Variants in CDCP1 observed in about 807,000 individuals in gnomAD.
CDCP1 encodes CUB domain containing protein 1.
A neutral mutation model predicts 60.2 loss-of-function variants in CDCP1; 29 were observed. That is an observed-to-expected ratio of 0.48 (90% CI 0.36 to 0.66). The LOEUF is 0.66. CDCP1 is among the 30% of genes least tolerant of loss of function. The pLI, the probability that CDCP1 is intolerant of heterozygous loss-of-function variation, is 0.00. For synonymous variants in CDCP1, 387 were observed against 431.1 expected (o/e 0.90, Z 1.27); for missense variants, 876 against 1,074.3 (o/e 0.82, Z 2.58).
intron 1 of CDCP1, among the ~76,000 whole-genome samples, chr3:45,129,010 C>T (rs527727654): frequency 6.6e-6 from 1 of 152,358 alleles, no homozygotes; most frequent in South Asian, 2.1e-4. Context: ...AGACACTGTG[C>T]CTGGCCAAGT....
intron 1 of CDCP1, among the ~76,000 whole-genome samples, chr3:45,126,494 A>G (rs1699002909): frequency 6.6e-6 from 1 of 152,116 alleles, no homozygotes; most frequent in Non-Finnish European, 1.5e-5. Flanking sequence ...TAGAGAGACA[A>G]CTGGTTTAGA....
intron 1 of CDCP1, among the ~76,000 whole-genome samples, chr3:45,128,843 G>A (rs544431532): frequency 2.0e-5 from 3 of 152,086 alleles, no homozygotes; most frequent in Admixed American, 6.6e-5. Context: ...TCAGCCTCCC[G>A]AGTAGCTGGG....
intron 1 of CDCP1, among the ~76,000 whole-genome samples, chr3:45,140,356 G>C (rs1699267171): frequency 6.6e-6 from 1 of 152,216 alleles, no homozygotes; most frequent in Non-Finnish European, 1.5e-5. Flanking sequence ...GGAACCCTTT[G>C]ATCTCCTGTC....
upstream of CDCP1, chr3:45,146,435 T>C (rs947627939): frequency 1.7e-6 from 1 of 583,840 alleles, no homozygotes; most frequent in African/African-American, 2.0e-5. Flanking sequence ...CGCAGCAGGA[T>C]CGCGAGCTGA....
At chr3:45,132,041 C>A (rs1250722590) in intron 1 of CDCP1, among the ~76,000 whole-genome samples, 1 of 151,766 alleles carries the variant, frequency 6.6e-6, no homozygotes, top group Non-Finnish European at 1.5e-5. Context: ...CGAGACCAGC[C>A]TGGCCAACAC....
At chr3:45,095,078 C>T (rs1483568804) in intron 5 of CDCP1, among the ~76,000 whole-genome samples, 3 of 152,070 alleles carry the variant, frequency 2.0e-5, no homozygotes, top group Admixed American at 6.5e-5. Context: ...AGATTATAGG[C>T]GCCTGCCACC....
intron 1 of CDCP1, among the ~76,000 whole-genome samples, chr3:45,145,584 G>T (rs1699367602): frequency 6.6e-6 from 1 of 152,172 alleles, no homozygotes; most frequent in South Asian, 2.1e-4. Context: ...ATGCCTGGCG[G>T]CTTTCTCTGG....
chr3:45,093,054 C>T (rs1341916631), intron 6 of CDCP1, among the ~76,000 whole-genome samples: 1 of 152,222 alleles, frequency 6.6e-6, no homozygotes, highest in Non-Finnish European at 1.5e-5. Context: ...TCGCCTCTCA[C>T]TGTCAGAAAC....
At chr3:45,119,256 G>C (rs1303062923) in intron 1 of CDCP1, among the ~76,000 whole-genome samples, 1 of 152,200 alleles carries the variant, frequency 6.6e-6, no homozygotes, top group Non-Finnish European at 1.5e-5. Context: ...TGAGCAAACA[G>C]TATCAAGCAA....
chr3:45,111,121 C>T (rs147609100), intron 3 of CDCP1, among the ~76,000 whole-genome samples: 6 of 152,234 alleles, frequency 3.9e-5, no homozygotes, highest in South Asian at 2.1e-4. Flanking sequence ...AATCCCACCA[C>T]GGTTGATTTC....
In CDCP1 at chr3:45,083,160, C is replaced by T. The variant is rs1227632681; in HGVS notation, c.*2478G>A. On this transcript the variant is annotated 3_prime_UTR_variant, in exon 9 of 9. Coordinates refer to ENST00000296129, the MANE Select transcript of CDCP1 (RefSeq NM_022842.5). ...TGTCGAGAATGGAGGGCTAGGGCTC[C>T]ACACAGTGAATTCAAATAAGGGCTC... is the stretch of plus-strand genomic sequence containing the variant. The T allele has an allele frequency of 6.6e-6, 1 of 152,190 alleles. No individual in the cohort carries two copies. Among genetic ancestry groups the T allele is most frequent in the East Asian group, 1.9e-4 (1 of 5,184 alleles). 9.4% of individuals were successfully genotyped at this position (152,190 alleles called of 1,614,324 possible).
Position 45,089,135 on chromosome 3 carries a change from G to C in CDCP1, c.2000C>G (p.Thr667Ser), listed in dbSNP as rs143988837. ...TCCCACCGCTGCGATGAGGATGACA[G>C]TCAAGTCTGTGAGCAGAGACATAAA... ...VTLTPRTVDL[T>S]VILIAAVGGG... Residue 667 changes from threonine to serine, a missense_variant, in exon 8 of 9, where the codon ACT (threonine) becomes AGT (serine). Physicochemically the swap from Thr to Ser is moderately conservative, Grantham distance 58. Around this residue, in one of 2 missense-constraint regions of CDCP1, gnomAD observed 726 missense variants for 935.7 expected, o/e 0.78. Transcript: ENST00000296129. 4.1e-4 allele frequency: 662 copies of C among 1,613,706 alleles called. No individual in the cohort carries two copies. The highest frequency in any genetic ancestry group is 5.3e-4 in the Non-Finnish European group (624 of 1,179,796).
At chr3:45,109,977 GT>G (rs1698660356) in intron 4 of CDCP1, among the ~76,000 whole-genome samples, 1 of 152,050 alleles carries the variant, frequency 6.6e-6, no homozygotes, top group Non-Finnish European at 1.5e-5. Context: ...GAACCTTCTG[GT>G]TTCTCATTAG....
chr3:45,126,064 T>TA (rs1698976866), intron 1 of CDCP1, among the ~76,000 whole-genome samples: 1 of 152,208 alleles, frequency 6.6e-6, no homozygotes, highest in South Asian at 2.1e-4. Context: ...CTGGTCAAGT[T>TA]ACCTAGCAGA....
chr3:45,146,080 C>T (rs1699381429), intron 1 of CDCP1, 126 bp downstream of exon 1: 1 of 747,298 alleles, frequency 1.3e-6, no homozygotes, highest in South Asian at 2.1e-5. Flanking sequence ...CTACGCCGTC[C>T]CCGCCCTCTC....
intron 4 of CDCP1, among the ~76,000 whole-genome samples, chr3:45,106,985 A>G (rs1285560789): frequency 6.6e-6 from 1 of 152,104 alleles, no homozygotes; most frequent in Non-Finnish European, 1.5e-5. Flanking sequence ...AGCGGCACAC[A>G]CCATTGGCAC....
At chr3:45,087,668 G>A (rs557201600) in intron 8 of CDCP1, among the ~76,000 whole-genome samples, 3 of 152,186 alleles carry the variant, frequency 2.0e-5, no homozygotes, top group Non-Finnish European at 4.4e-5. Context: ...TTTGTAGACA[G>A]TCTTGTTGTA....
At chr3:45,127,888 G>A (rs370866064) in intron 1 of CDCP1, among the ~76,000 whole-genome samples, 7 of 152,282 alleles carry the variant, frequency 4.6e-5, no homozygotes, top group East Asian at 3.9e-4. Context: ...AGGTACAGCC[G>A]TCAGGCCAAG....
intron 2 of CDCP1, among the ~76,000 whole-genome samples, chr3:45,117,945 A>G (rs1217325226): frequency 5.3e-5 from 8 of 152,138 alleles, no homozygotes. Context: ...TACAGGTGTG[A>G]ACCACCACGC....
Sources: gnomAD v4.1 joint callset for allele counts (sites outside exome capture counted in the v4.1 genomes callset) on GRCh38, gnomAD v4.1.1 for gene constraint, gnomAD v4.1.1 regional missense constraint, MANE v1.5 for transcripts, NCBI Gene and HGNC (gene_info 2026-07-23, HGNC 2026-07-21) for gene names.